Variants in CDH17 observed in about 807,000 individuals in gnomAD.
CDH17 encodes the protein cadherin 17.
In CDH17, 67 loss-of-function variants were observed where a neutral mutation model predicts 86.3. That is an observed-to-expected ratio of 0.78 (90% CI 0.64 to 0.95). The LOEUF (loss-of-function observed/expected upper bound fraction) is 0.95. CDH17 is among the 40% of genes least tolerant of loss of function. CDH17 has a pLI of 0.00. For missense variants in CDH17, 993 were observed against 1,017.6 expected (o/e 0.98, Z 0.33); for synonymous variants, 367 against 366.4 (o/e 1.00, Z -0.02).
chr8:94,170,283 G>A (rs1264662068), intron 9 of CDH17, 114 bp downstream of exon 9: 3 of 1,065,770 alleles, frequency 2.8e-6, no homozygotes, highest in South Asian at 3.1e-5. Context: ...CAACCTCTAT[G>A]CTGTGGAAGA....
chr8:94,135,678 G>C (rs1402248639), intron 15 of CDH17, among the ~76,000 whole-genome samples: 4 of 152,130 alleles, frequency 2.6e-5, no homozygotes, highest in Non-Finnish European at 2.9e-5. Context: ...TGTTATGTGT[G>C]AATTTGATCC....
chr8:94,150,072 A>G (rs912103985), intron 13 of CDH17, among the ~76,000 whole-genome samples: 1 of 152,252 alleles, frequency 6.6e-6, no homozygotes, highest in Non-Finnish European at 1.5e-5. Context: ...TCATTAAAAA[A>G]GTATGATGTG....
Position 94,152,129 on chromosome 8 carries a change from G to T in CDH17, c.1552-17C>A. 1.2e-6 allele frequency: 2 copies of T among 1,611,440 alleles called. No homozygotes were observed. The highest frequency in any genetic ancestry group is 2.2e-5 in the South Asian group (2 of 90,964). ...ATCAAGAGGCTGTGTAGGAGAAAGA[G>T]AGAAAATTAATTTTGGGGTGATTAG... On this transcript the variant is annotated splice_polypyrimidine_tract_variant and intron_variant, in intron 12 of 17. Transcript: ENST00000027335.
chr8:94,174,137 T>G lies in CDH17; in HGVS notation c.548A>C (p.Asn183Thr). The G allele has an allele frequency of 6.2e-7, 1 of 1,613,856 alleles. No individual in the cohort carries two copies. Among genetic ancestry groups the G allele is most frequent in the Non-Finnish European group, 8.5e-7 (1 of 1,179,850 alleles). The change falls in exon 6 of 18, where the codon AAC (asparagine) becomes ACC (threonine). Residue 183 changes from asparagine (N) to threonine (T), a missense_variant. Physicochemically the swap from Asn to Thr is moderately conservative, Grantham distance 65 (BLOSUM62 0). Coordinates refer to ENST00000027335, the MANE Select transcript of CDH17 (RefSeq NM_004063.4). The part of the protein sequence containing the change: ...MINNVMYFQI[N>T]NKTGAISLTR... ...AAGAGAGATGGCTCCCGTTTTGTTG[T>G]TGATCTGAAAGTACATGACATTGTT... is the stretch of plus-strand genomic sequence containing the variant.
Position 94,173,914 on chromosome 8 carries a change from A to G in CDH17, c.666T>C (p.Asn222=). The change falls in exon 7 of 18, where the codon AAT becomes AAC. Residue 222 remains asparagine, a synonymous_variant. Coordinates refer to ENST00000027335, the MANE Select transcript of CDH17 (RefSeq NM_004063.4). ...CCACAGATGTGGTATCACTGAAGGA[A>G]TTCTCACTCTGGCCTCCCATGTCCT... The part of the protein sequence containing the change: ...SVKDMGGQSE[N]SFSDTTSVDI... The G allele has an allele frequency of 1.2e-6, 2 of 1,613,640 alleles. No homozygotes were observed.
chr8:94,185,884 T>C (rs1813569362), intron 3 of CDH17, among the ~76,000 whole-genome samples: 1 of 152,202 alleles, frequency 6.6e-6, no homozygotes, highest in Admixed American at 6.5e-5. Context: ...CAGTCCCCAC[T>C]ACTCCCTCTT....
chr8:94,212,002 G>C (rs1814128606), upstream of CDH17, among the ~76,000 whole-genome samples: 1 of 152,194 alleles, frequency 6.6e-6, no homozygotes, highest in African/African-American at 2.4e-5. Context: ...CACAGTTTTT[G>C]TTCCACATTT....
Position 94,187,742 on chromosome 8 carries a change from G to A in CDH17, c.150+1445C>T, listed in dbSNP as rs368025645. ...CTGCATGGCCTTCTGCTAGTCCTTG[G>A]TATGTCTCCTGCCCTCTCCTGGCAG... On this transcript the variant is annotated intron_variant, in intron 3 of 17. Coordinates refer to ENST00000027335, the MANE Select transcript of CDH17 (RefSeq NM_004063.4). Among the ~76,000 whole-genome samples the A allele has an allele frequency of 6.3e-4, 96 of 152,032 alleles. 3 individuals are homozygous for A. The South Asian group carries it at 0.018, about 29-fold the overall frequency.
At chr8:94,137,343 A>G (rs1358508987) in intron 15 of CDH17, among the ~76,000 whole-genome samples, 7 of 152,148 alleles carry the variant, frequency 4.6e-5, no homozygotes, top group East Asian at 1.9e-4. Context: ...AGCCTCAGCA[A>G]TGGTGGATGC....
intron 11 of CDH17, among the ~76,000 whole-genome samples, chr8:94,161,560 C>CT (rs1813052343): frequency 6.6e-6 from 1 of 152,154 alleles, no homozygotes; most frequent in East Asian, 1.9e-4. Flanking sequence ...TCTAAATTGA[C>CT]TTTTTTCTTT....
At chr8:94,216,128 A>G (rs145801868) in intron 1 of CDH17, among the ~76,000 whole-genome samples, 190 of 151,622 alleles carry the variant, frequency 1.3e-3, no homozygotes, top group African/African-American at 3.9e-3. Flanking sequence ...GTAACTCAGG[A>G]GACAAGGAGG....
intron 2 of CDH17, among the ~76,000 whole-genome samples, chr8:94,191,968 T>C (rs746944565): frequency 6.6e-6 from 1 of 152,234 alleles, no homozygotes; most frequent in Non-Finnish European, 1.5e-5. Flanking sequence ...GTGAGGTCAG[T>C]GCTTTCTGTG....
At chr8:94,204,983 T>C (rs1158775965) in intron 1 of CDH17, among the ~76,000 whole-genome samples, 1 of 152,086 alleles carries the variant, frequency 6.6e-6, no homozygotes, top group Admixed American at 6.5e-5. Context: ...TTTTGAATTT[T>C]TGCAATCAGA....
At chr8:94,152,759 G>A (rs547417564) in intron 12 of CDH17, among the ~76,000 whole-genome samples, 1 of 152,330 alleles carries the variant, frequency 6.6e-6, no homozygotes, top group South Asian at 2.1e-4. Flanking sequence ...CATGGCACCA[G>A]CATCTGTTGA....
chr8:94,197,160 C>T (rs1315032333), intron 1 of CDH17: 2 of 152,056 alleles, frequency 1.3e-5, no homozygotes. Flanking sequence ...CTTGTTTGCC[C>T]AGGTTTTCTA....
chr8:94,132,090 T>G (rs890845363), intron 15 of CDH17, among the ~76,000 whole-genome samples: 72 of 152,182 alleles, frequency 4.7e-4, no homozygotes, highest in African/African-American at 1.7e-3. Context: ...ATGGACATTT[T>G]GGTTGGTTCC....
chr8:94,206,221 T>G (rs1013516450), intron 1 of CDH17, among the ~76,000 whole-genome samples: 5 of 152,216 alleles, frequency 3.3e-5, no homozygotes, highest in African/African-American at 1.2e-4. Flanking sequence ...GGGGAATATC[T>G]GCTTTTATTA....
At chr8:94,170,755 TG>T in intron 8 of CDH17, 98 bp downstream of exon 8, 1 of 1,399,264 alleles carries the variant, frequency 7.1e-7, no homozygotes. Flanking sequence ...CTGAAATGTG[TG>T]TTTTTTTTTT....
intron 3 of CDH17, among the ~76,000 whole-genome samples, chr8:94,187,883 TC>T (rs769983937): frequency 8.5e-5 from 13 of 152,074 alleles, no homozygotes; most frequent in Non-Finnish European, 1.6e-4. Flanking sequence ...GGCCCTGACT[TC>T]CCTGACTGGA....
Sources: gnomAD v4.1 joint callset for allele counts (sites outside exome capture counted in the v4.1 genomes callset) on GRCh38, gnomAD v4.1.1 for gene constraint, MANE v1.5 for transcripts, NCBI Gene and HGNC (gene_info 2026-07-23, HGNC 2026-07-21) for gene names.